Variants in SLC25A26 observed in about 807,000 individuals in gnomAD.
SLC25A26 encodes the protein mitochondrial S-adenosylmethionine carrier protein.
SLC25A26 carries 36 observed loss-of-function variants against 37.8 expected under a neutral mutation model. The observed-to-expected ratio is 0.95, with a 90% CI of 0.73 to 1.26. The LOEUF (loss-of-function observed/expected upper bound fraction) is 1.26. Ranked by LOEUF, SLC25A26 falls within the 50% of genes most tolerant of loss-of-function variation. The probability of loss-of-function intolerance (pLI) is 0.00; values close to 1 mark genes in which losing one functional copy is unlikely to be tolerated. For synonymous variants in SLC25A26, 129 were observed against 122.5 expected (o/e 1.05, Z -0.35); for missense variants, 390 against 331.1 (o/e 1.18, Z -1.38).
chr3:66,336,385 G>C (rs1300202697), intron 5 of SLC25A26, among the ~76,000 whole-genome samples: 1 of 152,070 alleles, frequency 6.6e-6, no homozygotes, highest in Non-Finnish European at 1.5e-5. Flanking sequence ...AGGAAAGTTG[G>C]GGGTGGGAAA....
chr3:66,163,621 T>A (rs2070388714), intron 1 of SLC25A26, among the ~76,000 whole-genome samples: 2 of 152,224 alleles, frequency 1.3e-5, no homozygotes, highest in Admixed American at 6.5e-5. Flanking sequence ...GAGATGTTAG[T>A]GATTCTCTCT....
rs2306495 is a variant in SLC25A26 at position 66,261,894 on chromosome 3, C to A, written c.301-157C>A. 24,398 of 151,530 alleles carry A rather than the reference C, an allele frequency of 0.16. 2,395 individuals are homozygous for A. Among genetic ancestry groups the A allele is most frequent in the Non-Finnish European group, 0.22 (15,375 of 68,368 alleles). 9.4% of individuals were successfully genotyped at this position (151,530 alleles called of 1,614,324 possible). On this transcript the variant is annotated intron_variant, in intron 3 of 9. Transcript: ENST00000354883. Reference sequence around the variant, plus strand: ...AAAACAATGTACATGCTTTAAGGGTCCAAGAGTTTTAGGTTAAAAAAAAAA... The same window carrying A: ...AAAACAATGTACATGCTTTAAGGGTACAAGAGTTTTAGGTTAAAAAAAAAA...
chr3:66,236,669 T>A lies in SLC25A26; in HGVS notation c.159T>A (p.Val53=), dbSNP rs1433026627. 6.6e-7 allele frequency: 1 copy of A among 1,526,384 alleles called. No individual in the cohort carries two copies. Among genetic ancestry groups the A allele is most frequent in the Non-Finnish European group, 8.8e-7 (1 of 1,139,468 alleles). 94.6% of individuals were successfully genotyped at this position (1,526,384 alleles called of 1,614,324 possible). Residue 53 remains valine, a synonymous_variant, in exon 2 of 10, where the codon GTT becomes GTA. Transcript: ENST00000354883. ...AGGFHGIYAG[V]PSAAIGSFPN... is the part of the protein sequence containing the mutation. ...GTTTTCATGGAATATATGCTGGCGT[T>A]CCTTCTGCTGCTATTGGATCCTTTC... is the stretch of plus-strand genomic sequence containing the variant.
intron 7 of SLC25A26, among the ~76,000 whole-genome samples, chr3:66,364,138 T>C (rs1031014000): frequency 6.6e-6 from 1 of 152,210 alleles, no homozygotes; most frequent in East Asian, 1.9e-4. Flanking sequence ...AAAACTTCCA[T>C]GTGTTGAAAT....
chr3:66,184,596 G>C (rs2070784190), intron 1 of SLC25A26, among the ~76,000 whole-genome samples: 1 of 152,244 alleles, frequency 6.6e-6, no homozygotes, highest in Admixed American at 6.5e-5. Context: ...TGCTCACCTT[G>C]AGTTTACTAT....
intron 7 of SLC25A26, among the ~76,000 whole-genome samples, chr3:66,368,775 T>C (rs574960616): frequency 2.0e-4 from 31 of 152,032 alleles, no homozygotes; most frequent in African/African-American, 7.3e-4. Context: ...CCCAACACTT[T>C]GGGAGGCCGA....
At chr3:66,371,423 G>T (rs1700339229) in intron 9 of SLC25A26, 3 of 1,452,908 alleles carry the variant, frequency 2.1e-6, no homozygotes, top group South Asian at 1.5e-5. Flanking sequence ...GGTGAGTCAG[G>T]ACCCAGTTAA....
intron 5 of SLC25A26, among the ~76,000 whole-genome samples, chr3:66,326,317 A>T (rs556115535): frequency 6.6e-6 from 1 of 152,334 alleles, no homozygotes; most frequent in African/African-American, 2.4e-5. Context: ...TTACGAAAAA[A>T]ATCAAAGGTG....
At chr3:66,202,615 G>T (rs1000102450) in intron 1 of SLC25A26, among the ~76,000 whole-genome samples, 1 of 151,026 alleles carries the variant, frequency 6.6e-6, no homozygotes, top group Non-Finnish European at 1.5e-5. Context: ...TTGCTTCGTT[G>T]TAAGAATTAC....
chr3:66,277,298 A>G (rs1334401573), intron 5 of SLC25A26, among the ~76,000 whole-genome samples: 1 of 152,130 alleles, frequency 6.6e-6, no homozygotes, highest in Non-Finnish European at 1.5e-5. Context: ...ATGCATCTCT[A>G]AAAGATAACT....
intron 9 of SLC25A26, among the ~76,000 whole-genome samples, chr3:66,372,997 GCAGGTGAAGA>G (rs1423256151): frequency 6.6e-6 from 1 of 152,186 alleles, no homozygotes; most frequent in African/African-American, 2.4e-5. Flanking sequence ...TGTGGTCCAC[GCAGGTGAAGA>G]CCTTGTTCTG....
At chr3:66,321,393 C>T (rs1229943579) in intron 5 of SLC25A26, among the ~76,000 whole-genome samples, 2 of 152,190 alleles carry the variant, frequency 1.3e-5, no homozygotes, top group East Asian at 1.9e-4. Context: ...CTCCCCCTGC[C>T]CCAGTCACCT....
chr3:66,151,866 A>G (rs73127765), intron 1 of SLC25A26, among the ~76,000 whole-genome samples: 55,280 of 152,178 alleles, frequency 0.36, 10,186 homozygotes, highest in African/African-American at 0.41. Context: ...CTTTTTAAGA[A>G]TAGGGACTAT....
intron 6 of SLC25A26, among the ~76,000 whole-genome samples, chr3:66,347,738 T>C (rs1353448932): frequency 2.0e-5 from 3 of 152,168 alleles, no homozygotes; most frequent in Non-Finnish European, 2.9e-5. Context: ...TGCCCATCAA[T>C]GATAGACTGC....
intron 1 of SLC25A26, among the ~76,000 whole-genome samples, chr3:66,175,405 G>T (rs994601579): frequency 6.6e-6 from 1 of 151,490 alleles, no homozygotes; most frequent in African/African-American, 2.4e-5. Context: ...TTGTATTTTT[G>T]GTAGAGACAC....
rs534529831 is a variant in SLC25A26 at position 66,329,386 on chromosome 3, A to G, written c.454-16978A>G. Among the ~76,000 whole-genome samples, 23 of 152,302 alleles carry G rather than the reference A, an allele frequency of 1.5e-4. No individual in the cohort carries two copies. In the East Asian group the frequency reaches 4.4e-3, roughly 29 times the overall value. ...AAAGTCATTCAAATTTTATGCTTGT[A>G]AGTGGTACTGAATTGGAAAACCAAA... On this transcript the variant is annotated intron_variant, in intron 5 of 9. Transcript: ENST00000354883.
At chr3:66,285,859 C>G (rs920476268) in intron 5 of SLC25A26, among the ~76,000 whole-genome samples, 2 of 152,142 alleles carry the variant, frequency 1.3e-5, no homozygotes, top group African/African-American at 4.8e-5. Flanking sequence ...AACAAGCACC[C>G]TGCCCTTACT....
chr3:66,291,430 G>T (rs896300184), intron 5 of SLC25A26, among the ~76,000 whole-genome samples: 3 of 152,094 alleles, frequency 2.0e-5, no homozygotes, highest in Non-Finnish European at 4.4e-5. Flanking sequence ...GCTTTCTCCT[G>T]TTGGCATTTA....
intron 1 of SLC25A26, among the ~76,000 whole-genome samples, chr3:66,156,505 A>T (rs563743244): frequency 6.6e-6 from 1 of 152,316 alleles, no homozygotes; most frequent in South Asian, 2.1e-4. Flanking sequence ...CTGTTCTGTC[A>T]TACTGGCCAA....
Sources: allele counts gnomAD v4.1 joint callset (sites outside exome capture counted in the v4.1 genomes callset), GRCh38; gene constraint gnomAD v4.1.1; transcripts MANE v1.5; gene names NCBI Gene and HGNC (gene_info 2026-07-23, HGNC 2026-07-21).